KCNB2: variants seen among roughly 807,000 people sequenced by gnomAD.
KCNB2 encodes delayed rectifier potassium channel protein.
A neutral mutation model predicts 61.5 loss-of-function variants in KCNB2; 15 were observed. The observed-to-expected ratio is 0.24, with a 90% CI of 0.16 to 0.38. The LOEUF (loss-of-function observed/expected upper bound fraction) is 0.38. KCNB2 is among the 10% of genes least tolerant of loss of function. The pLI is 1.00. For missense variants in KCNB2, 828 were observed against 1,125.2 expected (o/e 0.74, Z 3.78); for synonymous variants, 457 against 446.0 (o/e 1.02, Z -0.31).
intron 2 of KCNB2, among the ~76,000 whole-genome samples, chr8:72,806,291 G>C (rs887719392): frequency 6.6e-6 from 1 of 151,260 alleles, no homozygotes; most frequent in Non-Finnish European, 1.5e-5. Context: ...CCAGAAGGCG[G>C]AGGTTGCAGT....
chr8:72,824,222 C>G (rs1195597564), intron 2 of KCNB2, among the ~76,000 whole-genome samples: 1 of 152,074 alleles, frequency 6.6e-6, no homozygotes, highest in Admixed American at 6.6e-5. Context: ...CATGCCACCC[C>G]CTTCCTGTAT....
intron 2 of KCNB2, among the ~76,000 whole-genome samples, chr8:72,846,129 C>T (rs919953119): frequency 1.3e-5 from 2 of 152,140 alleles, no homozygotes; most frequent in African/African-American, 4.8e-5. Context: ...GTGGGAAAAG[C>T]GTAGTATCTG....
intron 2 of KCNB2, among the ~76,000 whole-genome samples, chr8:72,677,699 A>G (rs141105523): frequency 1.8e-3 from 269 of 152,090 alleles, no homozygotes; most frequent in Admixed American, 4.8e-3. Flanking sequence ...CTCATAACTC[A>G]TTGGCCACTT....
At chr8:72,717,449 T>TGGTACC in intron 2 of KCNB2, among the ~76,000 whole-genome samples, 1 of 151,954 alleles carries the variant, frequency 6.6e-6, no homozygotes, top group South Asian at 2.1e-4. Context: ...AGCATGGTAC[T>TGGTACC]GGTACCAAAA....
intron 2 of KCNB2, among the ~76,000 whole-genome samples, chr8:72,806,217 G>T (rs566881701): frequency 6.6e-5 from 10 of 152,012 alleles, no homozygotes; most frequent in Non-Finnish European, 1.5e-4. Flanking sequence ...AATTAGCCGG[G>T]CATGGTGGTG....
intron 2 of KCNB2, among the ~76,000 whole-genome samples, chr8:72,858,617 C>T (rs778820275): frequency 7.9e-5 from 12 of 152,196 alleles, no homozygotes; most frequent in African/African-American, 1.9e-4. Context: ...TACAGCTTGA[C>T]GCTGTAGTCA....
intron 2 of KCNB2, among the ~76,000 whole-genome samples, chr8:72,734,689 A>G (rs1476340393): frequency 1.3e-5 from 2 of 152,192 alleles, no homozygotes; most frequent in Non-Finnish European, 2.9e-5. Context: ...TACCAAGTAG[A>G]CTGAACACTA....
chr8:72,539,456 C>CAAATAGAATTCTGTAT (rs1263855343), intron 1 of KCNB2, among the ~76,000 whole-genome samples: 2 of 152,178 alleles, frequency 1.3e-5, no homozygotes, highest in Non-Finnish European at 2.9e-5. Context: ...TTGTTTATCA[C>CAAATAGAATTCTGTAT]AAATAGAATT....
intron 2 of KCNB2, among the ~76,000 whole-genome samples, chr8:72,841,361 C>CTTTTTTTTTTT (rs796222096): frequency 3.0e-5 from 2 of 66,192 alleles, no homozygotes; most frequent in African/African-American, 5.4e-5. Context: ...GTTTTCTTTT[C>CTTTTTTTTTTT]TTTTTTTTTT....
chr8:72,773,149 C>T lies in KCNB2; in HGVS notation c.580-162786C>T, dbSNP rs550027938. Among the ~76,000 whole-genome samples, 14 of 152,222 alleles carry T rather than the reference C, an allele frequency of 9.2e-5. No homozygotes were observed. In the Middle Eastern group the frequency reaches 0.014, roughly 148 times the overall value. On this transcript the variant is annotated intron_variant, in intron 2 of 2. Coordinates refer to ENST00000523207, the MANE Select transcript of KCNB2 (RefSeq NM_004770.3). ...AACAGCATTAGCATCTTTCTTGGCC[C>T]GGTCATGTTCTAGACAGCACTGCTT... is the stretch of plus-strand genomic sequence containing the variant.
chr8:72,541,524 C>T (rs560417264), intron 1 of KCNB2, among the ~76,000 whole-genome samples: 1 of 152,032 alleles, frequency 6.6e-6, no homozygotes, highest in Admixed American at 6.6e-5. Context: ...GTGTTAAAAA[C>T]GAGCCCAGGC....
intron 2 of KCNB2, among the ~76,000 whole-genome samples, chr8:72,582,952 A>T (rs1473889853): frequency 2.0e-5 from 3 of 152,166 alleles, no homozygotes; most frequent in Non-Finnish European, 4.4e-5. Flanking sequence ...ATGTAATGTG[A>T]AAAGGGGAAA....
At chr8:72,619,226 A>C in intron 2 of KCNB2, 1 of 585,712 alleles carries the variant, frequency 1.7e-6, no homozygotes, top group Non-Finnish European at 3.4e-6. Context: ...CTAGCTAGTG[A>C]GGTATCTTTA....
At chr8:72,905,498 A>C (rs910633477) in intron 2 of KCNB2, among the ~76,000 whole-genome samples, 1 of 149,462 alleles carries the variant, frequency 6.7e-6, no homozygotes, top group Non-Finnish European at 1.5e-5. Context: ...TTTTAATGGC[A>C]TGAGGCAATT....
Position 72,753,706 on chromosome 8 carries a change from A to G in KCNB2, c.580-182229A>G, listed in dbSNP as rs557146761. ...TAATAAGTGTTCAGGACTAGAATCA[A>G]ACCTTTTGTTCCAATCCCCAAGCTC... On this transcript the variant is annotated intron_variant, in intron 2 of 2. Coordinates refer to ENST00000523207, the MANE Select transcript of KCNB2 (RefSeq NM_004770.3). Among the ~76,000 whole-genome samples the G allele has an allele frequency of 5.9e-5, 9 of 152,310 alleles. No individual in the cohort carries two copies. The East Asian group carries it at 1.7e-3, about 29-fold the overall frequency.
At chr8:72,539,609 A>G (rs1261893900) in intron 1 of KCNB2, among the ~76,000 whole-genome samples, 1 of 151,922 alleles carries the variant, frequency 6.6e-6, no homozygotes, top group East Asian at 1.9e-4. Flanking sequence ...TCATACACAA[A>G]CCCACACGTA....
chr8:72,537,586 T>A lies in KCNB2; in HGVS notation c.-393T>A, dbSNP rs1806132094. 2 of 152,424 alleles carry A rather than the reference T, an allele frequency of 1.3e-5. No homozygotes were observed. Among genetic ancestry groups the A allele is most frequent in the African/African-American group, 4.8e-5 (2 of 41,434 alleles). The allele number at this position is 152,424 out of a possible 1,614,324, so 9.4% of individuals were successfully genotyped here. ...GTGTGGGGAAGGGGTTGAAGATCGA[T>A]GAAGATTATTGTTCTTTTAAAGGAT... is the stretch of plus-strand genomic sequence containing the variant. On this transcript the variant is annotated 5_prime_UTR_variant, in exon 1 of 3. It removes an upstream start codon present in the reference 5' UTR. Coordinates refer to ENST00000523207, the MANE Select transcript of KCNB2 (RefSeq NM_004770.3).
At chr8:72,825,796 G>A (rs755640511) in intron 2 of KCNB2, among the ~76,000 whole-genome samples, 2 of 151,892 alleles carry the variant, frequency 1.3e-5, no homozygotes, top group African/African-American at 2.4e-5. Context: ...TCTGGATATC[G>A]GTCCCTTATC....
rs542922098 is a variant in KCNB2 at position 72,703,348 on chromosome 8, C to G, written c.579+135035C>G. 1.0e-3 allele frequency among the ~76,000 whole-genome samples: 155 copies of G among 152,262 alleles called. 1 individual carries two copies. The highest frequency in any genetic ancestry group is 3.6e-3 in the African/African-American group (149 of 41,548). ...TTAGGAAGTGCCCCTGGACTCAACACCTGTGGGAGAACATAGAGGAGCACA... is the reference window on the plus strand; with the variant it reads ...TTAGGAAGTGCCCCTGGACTCAACAGCTGTGGGAGAACATAGAGGAGCACA... On this transcript the variant is annotated intron_variant, in intron 2 of 2. Transcript: ENST00000523207.
Sources: allele counts gnomAD v4.1 joint callset (sites outside exome capture counted in the v4.1 genomes callset), GRCh38; gene constraint gnomAD v4.1.1; transcripts MANE v1.5; gene names NCBI Gene and HGNC (gene_info 2026-07-23, HGNC 2026-07-21).